VSIG1: variants seen among roughly 807,000 people sequenced by gnomAD.
VSIG1 encodes V-set and immunoglobulin domain containing 1.
Under a neutral mutation model 20.1 loss-of-function variants are expected in VSIG1, and 11 were observed. The ratio of observed to expected loss-of-function variants is 0.55; its 90% confidence interval spans 0.34 to 0.91. The LOEUF is 0.91. Among genes scored for constraint, VSIG1 ranks in the 40% least tolerant of loss-of-function variants. The pLI is 0.02. For missense variants in VSIG1, 283 were observed against 298.8 expected, an observed-to-expected ratio of 0.95 and a Z score of 0.39; for synonymous variants, 126 against 116.7, an observed-to-expected ratio of 1.08 and a Z score of -0.52.
chrX:108,056,758 AACGGAATCCT>A (rs1175489266), intron 1 of VSIG1, among the ~76,000 whole-genome samples: 1 of 112,641 alleles, frequency 8.9e-6, no homozygotes, highest in Non-Finnish European at 1.9e-5. Context: ...GATGCAGGAA[AACGGAATCCT>A]TTTATTTGGT....
At chrX:108,039,662 G>T in the VSIG1 span, among the ~76,000 whole-genome samples, 1 of 111,132 alleles carries the variant, frequency 9.0e-6, no homozygotes, top group African/African-American at 3.3e-5. Flanking sequence ...CAGTTAGGAG[G>T]CTATAGCCAT....
At chrX:108,023,127 G>A in the VSIG1 span, among the ~76,000 whole-genome samples, 1 of 112,284 alleles carries the variant, frequency 8.9e-6, no homozygotes, top group East Asian at 2.8e-4. Flanking sequence ...CCTTTATCAT[G>A]TTAGAGAAGT....
At chrX:108,076,282 C>A in intron 6 of VSIG1, 64 bp downstream of exon 6, 1 of 1,122,867 alleles carries the variant, frequency 8.9e-7, no homozygotes, top group Non-Finnish European at 1.2e-6. Context: ...CTTTTTCAGT[C>A]ATCAATTCCT....
chrX:108,074,671 G>A (rs912368377), intron 5 of VSIG1, among the ~76,000 whole-genome samples: 24 of 111,995 alleles, frequency 2.1e-4, no homozygotes, highest in Non-Finnish European at 4.3e-4. Flanking sequence ...AGCACCAAGG[G>A]AGGAAAATTA....
intron 1 of VSIG1, among the ~76,000 whole-genome samples, chrX:108,055,598 A>T (rs1203287460): frequency 8.9e-6 from 1 of 112,073 alleles, no homozygotes; most frequent in East Asian, 2.8e-4. Flanking sequence ...AATGTATGAA[A>T]AGAATTATAC....
At chrX:108,023,308 T>G in the VSIG1 span, among the ~76,000 whole-genome samples, 3 of 112,124 alleles carry the variant, frequency 2.7e-5, no homozygotes, top group Admixed American at 9.4e-5. Context: ...ATTCCTGGGA[T>G]AAATCTTACT....
chrX:108,077,424 A>G lies in VSIG1; in HGVS notation c.*43A>G, dbSNP rs958351606. The G allele has an allele frequency of 1.7e-6, 2 of 1,154,947 alleles. No individual in the cohort carries two copies. Among genetic ancestry groups the G allele is most frequent in the Admixed American group, 5.1e-5 (2 of 39,081 alleles). ...AGCATTAATCATTAAGGAACCCATT[A>G]CTGCCATTTGGAATTCAAATAACCT... On this transcript the variant is annotated 3_prime_UTR_variant, in exon 7 of 7. Transcript: ENST00000217957.
chrX:108,072,449 C>T (rs1450956884), intron 3 of VSIG1, among the ~76,000 whole-genome samples: 3 of 111,161 alleles, frequency 2.7e-5, no homozygotes, highest in Non-Finnish European at 5.7e-5. Context: ...GATGGTGTTT[C>T]ATCACATTGG....
At position 108,075,211 on chromosome X, in the gene VSIG1, A is replaced by G. The variant is rs372806399; in HGVS notation, c.689-866A>G. On this transcript the variant is annotated intron_variant, in intron 5 of 6. Transcript: ENST00000217957. ...TTCTAGGGTACGAAGTTGAAAGAAA[A>G]TGATGGAATGGAAAAAAGGTAGGAC... 7.2e-5 allele frequency among the ~76,000 whole-genome samples: 8 copies of G among 111,330 alleles called. No homozygotes were observed. The South Asian group carries it at 3.1e-3, about 43-fold the overall frequency.
intron 1 of VSIG1, among the ~76,000 whole-genome samples, chrX:108,052,450 C>A (rs2030804891): frequency 1.8e-5 from 2 of 110,011 alleles, no homozygotes; most frequent in Admixed American, 1.9e-4. Flanking sequence ...AATACACACA[C>A]ACACACACAC....
At chrX:108,073,174 A>C (rs1348973246) in intron 4 of VSIG1, 76 bp from the exon 5 acceptor site, 1 of 1,117,129 alleles carries the variant, frequency 9.0e-7, no homozygotes, top group Non-Finnish European at 1.2e-6. Flanking sequence ...GTGGGTGGAC[A>C]TTGAGTGATC....
chrX:108,071,474 G>A (rs1335050004), intron 3 of VSIG1, among the ~76,000 whole-genome samples: 1 of 111,624 alleles, frequency 9.0e-6, no homozygotes, highest in African/African-American at 3.3e-5. Context: ...AAGTAAGTAA[G>A]ATGAATGAGG....
chrX:108,021,633 C>T, the VSIG1 span, among the ~76,000 whole-genome samples: 1 of 112,071 alleles, frequency 8.9e-6, no homozygotes, highest in Non-Finnish European at 1.9e-5. Context: ...TTGCCTAATC[C>T]AAAGTACGAA....
the VSIG1 span, among the ~76,000 whole-genome samples, chrX:108,035,591 T>C: frequency 9.0e-6 from 1 of 110,737 alleles, no homozygotes; most frequent in African/African-American, 3.3e-5. Context: ...CCCTGCCAGG[T>C]GGACCCCAAT....
chrX:108,026,480 A>ACCAGAGC, the VSIG1 span, among the ~76,000 whole-genome samples: 1 of 111,272 alleles, frequency 9.0e-6, no homozygotes, highest in African/African-American at 3.3e-5. Context: ...CATGCTGCTT[A>ACCAGAGC]TTGAAGTACC....
At chrX:108,076,679 T>G (rs1334976493) in intron 6 of VSIG1, among the ~76,000 whole-genome samples, 5 of 111,504 alleles carry the variant, frequency 4.5e-5, no homozygotes, top group Non-Finnish European at 9.4e-5. Flanking sequence ...TCTCCTTGCT[T>G]CTACAACTAT....
chrX:108,067,033 C>T lies in VSIG1; in HGVS notation c.311C>T (p.Ser104Leu), dbSNP rs2031145518. The T allele has an allele frequency of 1.7e-6, 2 of 1,211,045 alleles. No homozygotes were observed. The highest frequency in any genetic ancestry group is 2.2e-5 in the Admixed American group (1 of 45,975). ...NDPGNASITI[S>L]HMQPADSGIY... ...CCAGGTAATGCATCTATCACTATCT[C>T]GCATATGCAGCCAGCAGACAGTGGA... Residue 104 changes from serine to leucine, a missense_variant, in exon 3 of 7, where the codon TCG (serine) becomes TTG (leucine). Transcript: ENST00000217957.
chrX:108,066,806 G>A, intron 2 of VSIG1, 130 bp from the exon 3 acceptor site: 2 of 611,432 alleles, frequency 3.3e-6, no homozygotes, highest in Non-Finnish European at 5.0e-6. Flanking sequence ...CTTGGCCACA[G>A]GGACCTGTTC....
At chrX:108,067,606 A>C (rs996757422) in intron 3 of VSIG1, among the ~76,000 whole-genome samples, 2 of 112,542 alleles carry the variant, frequency 1.8e-5, no homozygotes, top group Non-Finnish European at 3.8e-5. Context: ...TAAAATGCTA[A>C]TGTTATTTGG....
Sources: allele counts gnomAD v4.1 joint callset (sites outside exome capture counted in the v4.1 genomes callset), GRCh38; gene constraint gnomAD v4.1.1; transcripts MANE v1.5; gene names NCBI Gene and HGNC (gene_info 2026-07-23, HGNC 2026-07-21).